PORCN: variants seen among roughly 807,000 people sequenced by gnomAD.
PORCN encodes the protein protein-serine O-palmitoleoyltransferase porcupine.
A neutral mutation model predicts 43.0 loss-of-function variants in PORCN; 1 was observed. The ratio of observed to expected loss-of-function variants is 0.02; its 90% CI spans 0.01 to 0.11. The LOEUF (loss-of-function observed/expected upper bound fraction) is 0.11. Ranked by LOEUF, PORCN falls within the 10% of genes least tolerant of loss-of-function variation. The pLI is 1.00. For synonymous variants in PORCN, 148 were observed against 166.4 expected (o/e 0.89, Z 0.85); for missense variants, 240 against 392.1 (o/e 0.61, Z 3.28).
chrX:48,512,079 G>C (rs2061680395), intron 4 of PORCN, 144 bp downstream of exon 4: 1 of 563,524 alleles, frequency 1.8e-6, no homozygotes, highest in Non-Finnish European at 3.1e-6. Flanking sequence ...CATTACTCTT[G>C]GGTCCGTGTC....
At position 48,515,783 on chromosome X, in the gene PORCN, C is replaced by G. The variant is rs782172331; in HGVS notation, c.1013C>G (p.Ala338Gly). ...SAVLVTYAAS[A>G]LLHGFSFHLA... ...GTGCTGGTCACCTATGCAGCCAGCG[C>G]CCTCCTACATGTGAGCAGGGTGGAG... is the stretch of plus-strand genomic sequence containing the variant. The change falls in exon 11 of 15, where the codon GCC (alanine) becomes GGC (glycine). Residue 338 changes from alanine to glycine, a missense_variant. Coordinates refer to ENST00000326194, the MANE Select transcript of PORCN (RefSeq NM_203475.3). 3 of 1,210,115 alleles carry G rather than the reference C, an allele frequency of 2.5e-6. No homozygotes were observed. In the Admixed American group the frequency reaches 6.5e-5, roughly 26 times the overall value.
intron 10 of PORCN, 94 bp downstream of exon 10, chrX:48,514,719 C>T (rs1212268150): frequency 2.3e-5 from 16 of 698,316 alleles, no homozygotes; most frequent in Non-Finnish European, 3.4e-5. Flanking sequence ...GTGTGCTAGG[C>T]ACCCAAAATC....
chrX:48,512,480 C>T lies in PORCN; in HGVS notation c.528C>T (p.Tyr176=), dbSNP rs377320278. The T allele has an allele frequency of 1.2e-5, 15 of 1,205,796 alleles. No individual in the cohort carries two copies. In the East Asian group the frequency reaches 4.5e-4, roughly 36 times the overall value. The change falls in exon 5 of 15, where the codon TAC becomes TAT. Residue 176 remains tyrosine (Y), a synonymous_variant. Coordinates refer to ENST00000326194, the MANE Select transcript of PORCN (RefSeq NM_203475.3). ...VFGPWISFHS[Y]LQAVQGRPLS... Reference sequence around the variant, plus strand: ...GGCCCTGGATATCCTTCCACAGCTACCTACAAGCTGTCCAAGGCCGCCCAC... The same window carrying T: ...GGCCCTGGATATCCTTCCACAGCTATCTACAAGCTGTCCAAGGCCGCCCAC...
Position 48,509,515 on chromosome X carries a change from C to A in PORCN, c.-37-269C>A, listed in dbSNP as rs193268902. The stretch of plus-strand genomic sequence containing the variant: ...GAAATGTATGCCATCCCATCACCAT[C>A]GGACTGGACTGTTCACAGCACTGGA... On this transcript the variant is annotated intron_variant, in intron 1 of 14. Transcript: ENST00000326194. The A allele has an allele frequency of 5.3e-5, 54 of 1,025,694 alleles. No homozygotes were observed. The East Asian group carries it at 1.4e-3, about 27-fold the overall frequency. 84.5% of individuals were successfully genotyped at this position (1,025,694 alleles called of 1,213,427 possible).
At position 48,520,550 on chromosome X, in the gene PORCN, C is replaced by A; in HGVS notation, c.*74C>A. On this transcript the variant is annotated 3_prime_UTR_variant, in exon 15 of 15. Coordinates refer to ENST00000326194, the MANE Select transcript of PORCN (RefSeq NM_203475.3). ...CCACTGATGGGGGATGAGGGAAGGCCCTCTCTCTACTCCTTGACCCCCTCC... is the reference window on the plus strand; with the variant it reads ...CCACTGATGGGGGATGAGGGAAGGCACTCTCTCTACTCCTTGACCCCCTCC... 1 of 731,173 alleles carries A rather than the reference C, an allele frequency of 1.4e-6. No homozygotes were observed. Among genetic ancestry groups the A allele is most frequent in the Non-Finnish European group, 2.2e-6 (1 of 464,543 alleles). The allele number at this position is 731,173 out of a possible 1,213,427, so 60.3% of individuals were successfully genotyped here. A position where few individuals can be genotyped will look rare whatever the true frequency, so the allele number is the denominator to read the frequency against.
At chrX:48,509,589 T>C in intron 1 of PORCN, 195 bp from the exon 2 acceptor site, 1 of 1,121,564 alleles carries the variant, frequency 8.9e-7, no homozygotes. Context: ...TGCGTGTGCA[T>C]GCCGAACACC....
intron 7 of PORCN, 124 bp downstream of exon 7, chrX:48,512,976 C>G (rs1213237917): frequency 5.5e-6 from 5 of 902,814 alleles, no homozygotes; most frequent in Non-Finnish European, 6.5e-6. Flanking sequence ...TAGACAGAGA[C>G]TGTGGTTGGC....
chrX:48,520,510 A>G lies in PORCN; in HGVS notation c.*34A>G, dbSNP rs183273579. ...TGTGGACCCTCATAACCCTCTTAAG[A>G]CCCCTCTCAGGGTGCCACTGATGGG... On this transcript the variant is annotated 3_prime_UTR_variant, in exon 15 of 15. Coordinates refer to ENST00000326194, the MANE Select transcript of PORCN (RefSeq NM_203475.3). The G allele has an allele frequency of 9.2e-7, 1 of 1,091,338 alleles. No individual in the cohort carries two copies. The highest frequency in any genetic ancestry group is 1.8e-5 in the South Asian group (1 of 54,207). 89.9% of individuals were successfully genotyped at this position (1,091,338 alleles called of 1,213,427 possible).
chrX:48,512,031 T>C (rs1275674293), intron 4 of PORCN, 96 bp downstream of exon 4: 2 of 706,781 alleles, frequency 2.8e-6, no homozygotes, highest in Non-Finnish European at 4.5e-6. Flanking sequence ...CCTGCTTTTC[T>C]CCCTCACCTG....
At chrX:48,511,214 C>A in intron 2 of PORCN, 81 bp from the exon 3 acceptor site, 1 of 562,227 alleles carries the variant, frequency 1.8e-6, no homozygotes, top group Non-Finnish European at 3.1e-6. Context: ...CTCTCCCTCC[C>A]TCCCTCCCTT....
Position 48,511,837 on chromosome X carries a change from A to T in PORCN, c.330-55A>T, listed in dbSNP as rs1487127398. Reference sequence around the variant, plus strand: ...CTTGGACCCCCTTCCCCTGTCCCCCATGGTCTCAGAGGCCATGAGTGTCAT... The same window carrying T: ...CTTGGACCCCCTTCCCCTGTCCCCCTTGGTCTCAGAGGCCATGAGTGTCAT... On this transcript the variant is annotated intron_variant, in intron 3 of 14. Coordinates refer to ENST00000326194, the MANE Select transcript of PORCN (RefSeq NM_203475.3). The T allele has an allele frequency of 1.5e-5, 17 of 1,115,097 alleles. No individual in the cohort carries two copies. The Admixed American group carries it at 3.3e-4, about 22-fold the overall frequency. 91.9% of individuals were successfully genotyped at this position (1,115,097 alleles called of 1,213,427 possible). A position where few individuals can be genotyped will look rare whatever the true frequency, so the allele number is the denominator to read the frequency against.
Position 48,516,129 on chromosome X carries a change from T to C in PORCN, c.1156T>C (p.Ser386Pro). Residue 386 changes from serine to proline, a missense_variant, in exon 13 of 15, where the codon TCG (serine) becomes CCG (proline). Physicochemically the swap from Ser to Pro is moderately conservative, Grantham distance 74. Transcript: ENST00000326194. The part of the protein sequence containing the change: ...VLSKRCPPDC[S>P]HQHRLGLGVR... ...GTCAAAGCGGTGCCCGCCAGACTGT[T>C]CGCACCAGCATCGCTTGGTGAGGGT... 10 of 1,211,020 alleles carry C rather than the reference T, an allele frequency of 8.3e-6. No homozygotes were observed. The highest frequency in any genetic ancestry group is 1.1e-5 in the Non-Finnish European group (10 of 895,063).
In PORCN at chrX:48,520,511, C is replaced by A; in HGVS notation, c.*35C>A. The stretch of plus-strand genomic sequence containing the variant: ...GTGGACCCTCATAACCCTCTTAAGA[C>A]CCCTCTCAGGGTGCCACTGATGGGG... On this transcript the variant is annotated 3_prime_UTR_variant, in exon 15 of 15. Coordinates refer to ENST00000326194, the MANE Select transcript of PORCN (RefSeq NM_203475.3). The A allele has an allele frequency of 9.2e-7, 1 of 1,085,017 alleles. No individual in the cohort carries two copies. Among genetic ancestry groups the A allele is most frequent in the Non-Finnish European group, 1.3e-6 (1 of 780,882 alleles). 89.4% of individuals were successfully genotyped at this position (1,085,017 alleles called of 1,213,427 possible). A position where few individuals can be genotyped will look rare whatever the true frequency, so the allele number is the denominator to read the frequency against.
At chrX:48,510,004 C>T in intron 2 of PORCN, 48 bp downstream of exon 2, 3 of 1,012,592 alleles carry the variant, frequency 3.0e-6, no homozygotes, top group Non-Finnish European at 4.2e-6. Flanking sequence ...CATATCAGAC[C>T]TCCCACATTC....
Position 48,514,842 on chromosome X carries a change from A to T in PORCN, c.946+217A>T, listed in dbSNP as rs113448887. 0.03 allele frequency among the ~76,000 whole-genome samples: 3,410 copies of T among 111,882 alleles called. 113 individuals carry two copies. The highest frequency in any genetic ancestry group is 0.093 in the African/African-American group (2,843 of 30,729). On this transcript the variant is annotated intron_variant, in intron 10 of 14. Transcript: ENST00000326194. ...GCTATGGTTAAAAAAAAAAATTTTT[A>T]AAAAAGCAGGTAAAGGTGATCCAGG... is the stretch of plus-strand genomic sequence containing the variant.
At chrX:48,513,936 G>C (rs1199367047) in intron 7 of PORCN, among the ~76,000 whole-genome samples, 191 bp from the exon 8 acceptor site, 2 of 112,854 alleles carry the variant, frequency 1.8e-5, no homozygotes, top group Non-Finnish European at 3.8e-5. Context: ...TTATAGGATA[G>C]CTCATGCATC....
chrX:48,519,214 C>G (rs2061741323), intron 14 of PORCN, among the ~76,000 whole-genome samples: 2 of 111,517 alleles, frequency 1.8e-5, no homozygotes, highest in Non-Finnish European at 3.8e-5. Context: ...ACCTCAGCCT[C>G]CCAAAGTGCT....
chrX:48,509,496 TATGCCATC>T lies in PORCN; in HGVS notation c.-37-287_-37-280del, dbSNP rs782648672. The T allele has an allele frequency of 4.9e-5, 49 of 996,456 alleles. No homozygotes were observed. In the East Asian group the frequency reaches 2.9e-3, roughly 59 times the overall value. 82.1% of individuals were successfully genotyped at this position (996,456 alleles called of 1,213,427 possible). A position where few individuals can be genotyped will look rare whatever the true frequency, so the allele number is the denominator to read the frequency against. ...CCATTTGATATATGGGCCTGAAATGTATGCCATCCCATCACCATCGGACTGGACTGTTC... is the reference window on the plus strand; with the variant it reads ...CCATTTGATATATGGGCCTGAAATGTCCATCACCATCGGACTGGACTGTTC... On this transcript the variant is annotated intron_variant, in intron 1 of 14. Coordinates refer to ENST00000326194, the MANE Select transcript of PORCN (RefSeq NM_203475.3).
intron 2 of PORCN, 118 bp downstream of exon 2, chrX:48,510,074 T>C: frequency 1.7e-6 from 1 of 590,561 alleles, no homozygotes; most frequent in South Asian, 2.4e-5. Context: ...ATGTCCAAGC[T>C]GGACCCCAAC....
Sources: gnomAD v4.1 joint callset for allele counts (sites outside exome capture counted in the v4.1 genomes callset) on GRCh38, gnomAD v4.1.1 for gene constraint, MANE v1.5 for transcripts, NCBI Gene and HGNC (gene_info 2026-07-23, HGNC 2026-07-21) for gene names.